KALRN: variants seen among roughly 807,000 people sequenced by gnomAD.
The protein encoded by KALRN is kalirin RhoGEF kinase, also known as kalirin.
A neutral mutation model predicts 353.7 loss-of-function variants in KALRN; 70 were observed. The observed-to-expected ratio is 0.20, with a 90% CI of 0.16 to 0.24. KALRN has a LOEUF of 0.24. KALRN is among the 10% of genes least tolerant of loss of function. The probability of loss-of-function intolerance (pLI) is 1.00; values close to 1 mark genes in which losing one functional copy is unlikely to be tolerated. For synonymous variants in KALRN, 1,391 were observed against 1,434.8 expected (o/e 0.97, Z 0.69); for missense variants, 2,791 against 3,756.7 (o/e 0.74, Z 6.72).
At chr3:124,669,301 C>A (rs1034165166) in intron 47 of KALRN, among the ~76,000 whole-genome samples, 42 of 152,074 alleles carry the variant, frequency 2.8e-4, no homozygotes, top group African/African-American at 9.7e-4. Context: ...CCCTAGCAAC[C>A]AAAGTGAAGA....
At chr3:124,696,466 G>A (rs1413089384) in intron 54 of KALRN, among the ~76,000 whole-genome samples, 1 of 152,034 alleles carries the variant, frequency 6.6e-6, no homozygotes, top group Non-Finnish European at 1.5e-5. Context: ...GGATTTTGCT[G>A]TGTTTTCTAC....
At chr3:124,249,062 C>CA (rs1181555108) in intron 3 of KALRN, among the ~76,000 whole-genome samples, 17 of 152,258 alleles carry the variant, frequency 1.1e-4, no homozygotes, top group African/African-American at 3.9e-4. Context: ...CACCCTCTTG[C>CA]AGCTCTGACT....
intron 18 of KALRN, among the ~76,000 whole-genome samples, chr3:124,441,246 T>TAC (rs1258038464): frequency 1.3e-5 from 2 of 152,294 alleles, no homozygotes; most frequent in South Asian, 2.1e-4. Context: ...TTCCTGAGCT[T>TAC]ACACCAGTGG....
rs371564633 is a variant in KALRN, at chr3:124,268,904, C to G, written c.618C>G (p.Leu206=). 3.7e-5 allele frequency: 59 copies of G among 1,613,880 alleles called. No individual in the cohort carries two copies. Among genetic ancestry groups the G allele is most frequent in the African/African-American group, 1.2e-4 (9 of 74,858 alleles). ...GCGCCGTGCACCTGCTCTCGCGCCT[C>G]GAGGACCTCCAGGAGATGCTAGCCC... ...FNSAVHLLSR[L]EDLQEMLARK... Residue 206 remains leucine (L), a synonymous_variant, in exon 5 of 60, where the codon CTC becomes CTG. Transcript: ENST00000682506.
intron 23 of KALRN, among the ~76,000 whole-genome samples, chr3:124,457,368 C>T (rs1363116948): frequency 6.6e-6 from 1 of 151,994 alleles, no homozygotes; most frequent in Admixed American, 6.6e-5. Context: ...CCACGCCCAG[C>T]CTCTCCCTTC....
chr3:124,269,150 C>A lies in KALRN; in HGVS notation c.864C>A (p.Asp288Glu), dbSNP rs768428705. The change falls in exon 5 of 60, where the codon GAC becomes GAA. Residue 288 changes from aspartate to glutamate, a missense_variant. Coordinates refer to ENST00000682506, the MANE Select transcript of KALRN (RefSeq NM_001388419.1). ...TGCCCAAGATCACCAGTCTCCTGGACAAGCTGCACTCCACCCGGCAGCACC... is the reference window on the plus strand; with the variant it reads ...TGCCCAAGATCACCAGTCTCCTGGAAAAGCTGCACTCCACCCGGCAGCACC... ...SLVPKITSLL[D>E]KLHSTRQHLH... 3 of 1,613,374 alleles carry A rather than the reference C, an allele frequency of 1.9e-6. No homozygotes were observed. The highest frequency in any genetic ancestry group is 4.5e-5 in the East Asian group (2 of 44,862).
At chr3:124,423,093 C>G (rs1335103209) in intron 15 of KALRN, 115 bp downstream of exon 15, 12 of 916,922 alleles carry the variant, frequency 1.3e-5, no homozygotes, top group Non-Finnish European at 1.9e-5. Flanking sequence ...CTTTAAGTAA[C>G]CAGCACTTCG....
intron 4 of KALRN, among the ~76,000 whole-genome samples, chr3:124,265,892 G>A: frequency 6.6e-6 from 1 of 152,086 alleles, no homozygotes; most frequent in East Asian, 1.9e-4. Flanking sequence ...GAGGAGGGTG[G>A]ATCACTTGAG....
At chr3:124,480,661 C>T (rs2061892857) in intron 27 of KALRN, among the ~76,000 whole-genome samples, 1 of 152,134 alleles carries the variant, frequency 6.6e-6, no homozygotes. Context: ...ACTTTTATCA[C>T]CTCACAAAGC....
intron 6 of KALRN, among the ~76,000 whole-genome samples, chr3:124,313,547 C>G (rs2078497817): frequency 6.6e-6 from 1 of 152,172 alleles, no homozygotes; most frequent in African/African-American, 2.4e-5. Flanking sequence ...CTCTTGGCAC[C>G]ATTGTCAGCA....
chr3:124,082,663 T>C (rs537116648), intron 1 of KALRN, among the ~76,000 whole-genome samples: 1 of 152,182 alleles, frequency 6.6e-6, no homozygotes, highest in African/African-American at 2.4e-5. Flanking sequence ...GGGTGGGATA[T>C]AAACTATATG....
intron 37 of KALRN, among the ~76,000 whole-genome samples, chr3:124,642,809 T>TTTTTTTTTTTTG (rs2082225377): frequency 1.1e-5 from 1 of 88,352 alleles, no homozygotes; most frequent in African/African-American, 4.7e-5. Flanking sequence ...AAGCCTCGTT[T>TTTTTTTTTTTTG]TTTTTTTTTT....
At chr3:124,460,288 G>A (rs571427027) in intron 23 of KALRN, among the ~76,000 whole-genome samples, 1 of 152,272 alleles carries the variant, frequency 6.6e-6, no homozygotes, top group South Asian at 2.1e-4. Context: ...GGGGGATGAG[G>A]GGACTATACC....
At chr3:124,585,471 C>T (rs2075073264) in intron 34 of KALRN, among the ~76,000 whole-genome samples, 1 of 152,176 alleles carries the variant, frequency 6.6e-6, no homozygotes, top group Non-Finnish European at 1.5e-5. Context: ...CGGAGCTTGG[C>T]TCATTAATTA....
intron 34 of KALRN, among the ~76,000 whole-genome samples, chr3:124,608,577 C>T (rs1285538178): frequency 1.3e-5 from 2 of 152,116 alleles, no homozygotes; most frequent in African/African-American, 4.8e-5. Flanking sequence ...TATGTTTTTG[C>T]TTCTCCCTAG....
chr3:124,339,142 T>C (rs2081422278), intron 9 of KALRN, among the ~76,000 whole-genome samples: 2 of 152,158 alleles, frequency 1.3e-5, no homozygotes, highest in African/African-American at 4.8e-5. Context: ...AAAAGTATAG[T>C]GCCTCCAGAA....
chr3:124,458,241 A>C (rs1250625183), intron 23 of KALRN, among the ~76,000 whole-genome samples: 1 of 134,580 alleles, frequency 7.4e-6, no homozygotes, highest in Non-Finnish European at 1.5e-5. Context: ...ACGCCACTGC[A>C]CTCCAGCCTG....
At chr3:124,576,030 C>T (rs180851518) in intron 34 of KALRN, among the ~76,000 whole-genome samples, 67 of 151,998 alleles carry the variant, frequency 4.4e-4, no homozygotes, top group South Asian at 8.3e-4. Context: ...CATACGCTCA[C>T]CTCAGGGCCT....
At chr3:124,582,618 A>G (rs2074737611) in intron 34 of KALRN, among the ~76,000 whole-genome samples, 1 of 152,190 alleles carries the variant, frequency 6.6e-6, no homozygotes, top group Non-Finnish European at 1.5e-5. Flanking sequence ...TTTTTTTATG[A>G]GGATAAATGA....
Sources: allele counts gnomAD v4.1 joint callset (sites outside exome capture counted in the v4.1 genomes callset), GRCh38; gene constraint gnomAD v4.1.1; transcripts MANE v1.5; gene names NCBI Gene and HGNC (gene_info 2026-07-23, HGNC 2026-07-21).